The following APBA2 variants were observed in gnomAD, a reference collection of about 807,000 sequenced individuals.
The protein encoded by APBA2 is amyloid beta precursor protein binding family A member 2, also known as amyloid-beta A4 precursor protein-binding family A member 2.
A neutral mutation model predicts 75.0 loss-of-function variants in APBA2; 30 were observed. The observed-to-expected ratio is 0.40, with a 90% CI of 0.30 to 0.54. APBA2 has a LOEUF of 0.54. Among genes scored for constraint, APBA2 ranks in the 20% least tolerant of loss-of-function variants. The probability of loss-of-function intolerance (pLI) is 0.49; values close to 1 mark genes in which losing one functional copy is unlikely to be tolerated. For synonymous variants in APBA2, 444 were observed against 409.6 expected (o/e 1.08, Z -1.01); for missense variants, 801 against 1,016.1 (o/e 0.79, Z 2.88).
chr15:29,058,741 G>A (rs531807905), intron 4 of APBA2, among the ~76,000 whole-genome samples: 2 of 69,268 alleles, frequency 2.9e-5, no homozygotes, highest in African/African-American at 6.0e-5. Flanking sequence ...ACAGGTTGGG[G>A]AACAGAGATC....
intron 2 of APBA2, among the ~76,000 whole-genome samples, chr15:28,951,998 C>T (rs1250374732): frequency 1.4e-5 from 2 of 147,576 alleles, no homozygotes; most frequent in African/African-American, 2.5e-5. Flanking sequence ...AAGGGATTCT[C>T]TTGCCTCAGC....
At chr15:29,048,149 C>A (rs888372892) in intron 3 of APBA2, among the ~76,000 whole-genome samples, 3 of 152,120 alleles carry the variant, frequency 2.0e-5, no homozygotes, top group African/African-American at 7.2e-5. Flanking sequence ...GAGTTGGACA[C>A]CAACCCGGCC....
chr15:29,090,055 C>A (rs1402412475), intron 6 of APBA2, among the ~76,000 whole-genome samples: 1 of 152,220 alleles, frequency 6.6e-6, no homozygotes, highest in Non-Finnish European at 1.5e-5. Context: ...ACCATGCCGC[C>A]CCCACTGGAC....
Position 29,091,996 on chromosome 15 carries a change from A to G in APBA2, c.1070-1079A>G, listed in dbSNP as rs144888540. On this transcript the variant is annotated intron_variant, in intron 6 of 14. Coordinates refer to ENST00000683413, the MANE Select transcript of APBA2 (RefSeq NM_001353788.2). Reference sequence around the variant, plus strand: ...AGTCGGGAGGGATAAAGCAGGTGACATGGCCAACATGGGTCTGAGAGGACA... The same window carrying G: ...AGTCGGGAGGGATAAAGCAGGTGACGTGGCCAACATGGGTCTGAGAGGACA... 7.3e-3 allele frequency among the ~76,000 whole-genome samples: 1,105 copies of G among 152,302 alleles called. 14 individuals are homozygous for G. The highest frequency in any genetic ancestry group is 0.025 in the African/African-American group (1,033 of 41,576).
chr15:29,015,294 C>T (rs913006288), intron 3 of APBA2, among the ~76,000 whole-genome samples: 1 of 152,164 alleles, frequency 6.6e-6, no homozygotes, highest in African/African-American at 2.4e-5. Context: ...GCAGAGTGAG[C>T]ACACTGTCAA....
At chr15:28,924,137 G>T (rs2034129692) in intron 2 of APBA2, among the ~76,000 whole-genome samples, 1 of 152,138 alleles carries the variant, frequency 6.6e-6, no homozygotes. Context: ...TTGCCTTCCC[G>T]AGTGCTGGCA....
chr15:28,898,446 T>C (rs1398008356), intron 1 of APBA2, among the ~76,000 whole-genome samples: 13 of 152,162 alleles, frequency 8.5e-5, no homozygotes, highest in Admixed American at 8.5e-4. Context: ...TGGATGGGGC[T>C]TGCCACGTAA....
chr15:29,094,751 G>C (rs1595949804), intron 8 of APBA2, among the ~76,000 whole-genome samples: 3 of 152,278 alleles, frequency 2.0e-5, no homozygotes, highest in Admixed American at 2.0e-4. Context: ...CCCGTGTGGT[G>C]CTTTCTTTAT....
chr15:29,035,046 TCTGTCTAGCAGCTAG>T (rs2040676462), intron 3 of APBA2, among the ~76,000 whole-genome samples: 1 of 152,210 alleles, frequency 6.6e-6, no homozygotes, highest in African/African-American at 2.4e-5. Context: ...GCCTGGTGTC[TCTGTCTAGCAGCTAG>T]CTAGCATTCA....
intron 3 of APBA2, among the ~76,000 whole-genome samples, chr15:29,028,560 A>G (rs1447105649): frequency 6.6e-6 from 1 of 152,174 alleles, no homozygotes; most frequent in African/African-American, 2.4e-5. Flanking sequence ...ATTTCTGGTT[A>G]TAGATCTTTG....
At chr15:28,891,796 C>T (rs867158308) in intron 1 of APBA2, among the ~76,000 whole-genome samples, 1 of 152,130 alleles carries the variant, frequency 6.6e-6, no homozygotes, top group African/African-American at 2.4e-5. Flanking sequence ...TATATGTGTA[C>T]AGTCATGCGT....
At chr15:29,030,877 CAAT>C (rs1222319745) in intron 3 of APBA2, among the ~76,000 whole-genome samples, 1 of 151,804 alleles carries the variant, frequency 6.6e-6, no homozygotes, top group Non-Finnish European at 1.5e-5. Flanking sequence ...TTTAATCTCT[CAAT>C]ATGAATGTGG....
intron 3 of APBA2, among the ~76,000 whole-genome samples, chr15:29,005,288 C>T (rs1051793062): frequency 7.9e-5 from 12 of 151,824 alleles, no homozygotes; most frequent in African/African-American, 2.4e-4. Context: ...TGAGGTAGCA[C>T]CTCTGTCTGT....
At chr15:29,078,288 G>C (rs778553767) in intron 6 of APBA2, among the ~76,000 whole-genome samples, 1 of 149,524 alleles carries the variant, frequency 6.7e-6, no homozygotes, top group Admixed American at 6.7e-5. Context: ...GCGAAACTCC[G>C]TATCAAAAAA....
chr15:29,040,118 T>C (rs2040959508), intron 3 of APBA2, among the ~76,000 whole-genome samples: 1 of 152,216 alleles, frequency 6.6e-6, no homozygotes, highest in African/African-American at 2.4e-5. Flanking sequence ...GTTTTGTCTT[T>C]TCCTCTCTCC....
chr15:28,902,300 C>T (rs1476195552), intron 1 of APBA2, among the ~76,000 whole-genome samples: 3 of 152,090 alleles, frequency 2.0e-5, no homozygotes, highest in Admixed American at 6.5e-5. Context: ...CCCCCAAATC[C>T]GTTACCACTA....
intron 3 of APBA2, among the ~76,000 whole-genome samples, chr15:28,997,224 G>A (rs74007026): frequency 0.034 from 5,247 of 152,204 alleles, 305 homozygotes; most frequent in African/African-American, 0.12. Flanking sequence ...ACATTCACAA[G>A]GCATTTAAGA....
chr15:29,025,980 C>T (rs1194764420), intron 3 of APBA2, among the ~76,000 whole-genome samples: 1 of 115,400 alleles, frequency 8.7e-6, no homozygotes, highest in Non-Finnish European at 2.3e-5. Context: ...AGAAATGGCC[C>T]AGAGATGGCG....
At chr15:28,908,301 T>C (rs2033238623) in intron 1 of APBA2, among the ~76,000 whole-genome samples, 1 of 151,040 alleles carries the variant, frequency 6.6e-6, no homozygotes, top group Non-Finnish European at 1.5e-5. Context: ...TGTTTTTGTT[T>C]GTTTTGTTTT....
Sources: gnomAD v4.1 joint callset for allele counts (sites outside exome capture counted in the v4.1 genomes callset) on GRCh38, gnomAD v4.1.1 for gene constraint, MANE v1.5 for transcripts, NCBI Gene and HGNC (gene_info 2026-07-23, HGNC 2026-07-21) for gene names.